Variants in PCDH9 observed in about 807,000 individuals in gnomAD.
PCDH9 encodes the protein protocadherin-9.
Under a neutral mutation model 70.6 loss-of-function variants are expected in PCDH9, and 24 were observed. The ratio of observed to expected loss-of-function variants is 0.34; its 90% CI spans 0.25 to 0.48. The LOEUF is 0.48. Among genes scored for constraint, PCDH9 ranks in the 20% least tolerant of loss-of-function variants. PCDH9 has a pLI of 0.99. For synonymous variants in PCDH9, 562 were observed against 558.5 expected, an observed-to-expected ratio of 1.01 and a Z score of -0.09; for missense variants, 1,281 against 1,503.6, an observed-to-expected ratio of 0.85 and a Z score of 2.45.
At chr13:67,174,225 T>A (rs140464860) in intron 2 of PCDH9, among the ~76,000 whole-genome samples, 2 of 151,894 alleles carry the variant, frequency 1.3e-5, no homozygotes, top group Non-Finnish European at 2.9e-5. Context: ...AATTTTGAAA[T>A]ATATTACTTA....
chr13:66,535,631 T>A (rs1309519841), intron 4 of PCDH9, among the ~76,000 whole-genome samples: 1 of 152,102 alleles, frequency 6.6e-6, no homozygotes, highest in African/African-American at 2.4e-5. Context: ...TGATTATGAA[T>A]GTAACACAAG....
intron 4 of PCDH9, among the ~76,000 whole-genome samples, chr13:66,342,796 GTATTTATT>G (rs869028823): frequency 2.2e-4 from 4 of 17,994 alleles, no homozygotes; most frequent in African/African-American, 2.8e-4. Context: ...TTTATTTATT[GTATTTATT>G]TATTTATTTA....
At chr13:66,591,411 T>C (rs9540834) in intron 4 of PCDH9, among the ~76,000 whole-genome samples, 6,970 of 150,246 alleles carry the variant, frequency 0.046, 180 homozygotes, top group Middle Eastern at 0.071. Context: ...TATAGCAGTA[T>C]GGAAAATAAA....
chr13:66,910,551 A>G (rs2082444605), intron 2 of PCDH9, among the ~76,000 whole-genome samples: 1 of 152,196 alleles, frequency 6.6e-6, no homozygotes, highest in African/African-American at 2.4e-5. Context: ...ATTTAAGTAA[A>G]AAGAGGATTG....
chr13:66,427,445 T>G (rs1173564238), intron 4 of PCDH9, among the ~76,000 whole-genome samples: 1 of 151,774 alleles, frequency 6.6e-6, no homozygotes, highest in Non-Finnish European at 1.5e-5. Flanking sequence ...CCACATGTCA[T>G]GTGTAGGAAA....
chr13:66,396,339 A>G (rs558197077), intron 4 of PCDH9, among the ~76,000 whole-genome samples: 1 of 152,332 alleles, frequency 6.6e-6, no homozygotes, highest in African/African-American at 2.4e-5. Flanking sequence ...AGACAAGAAC[A>G]TAATCTAACC....
intron 2 of PCDH9, among the ~76,000 whole-genome samples, chr13:67,055,469 C>A (rs2085400071): frequency 6.6e-6 from 1 of 152,106 alleles, no homozygotes; most frequent in South Asian, 2.1e-4. Context: ...TGGCTTGATT[C>A]AAATAGAATT....
At chr13:66,948,134 T>A (rs116363541) in intron 2 of PCDH9, among the ~76,000 whole-genome samples, 2,399 of 152,236 alleles carry the variant, frequency 0.016, 65 homozygotes, top group African/African-American at 0.054. Flanking sequence ...GAGTATAGTG[T>A]TGATATTGAC....
At chr13:66,440,119 G>T (rs573726905) in intron 4 of PCDH9, among the ~76,000 whole-genome samples, 30 of 152,276 alleles carry the variant, frequency 2.0e-4, no homozygotes, top group Non-Finnish European at 3.1e-4. Context: ...GTAAACGAAA[G>T]ATGAAAACTA....
intron 2 of PCDH9, among the ~76,000 whole-genome samples, chr13:67,041,286 A>T (rs1032686238): frequency 2.6e-5 from 4 of 152,168 alleles, no homozygotes; most frequent in Non-Finnish European, 4.4e-5. Flanking sequence ...TTATTTCTGG[A>T]ATTTTCCATA....
intron 4 of PCDH9, among the ~76,000 whole-genome samples, chr13:66,496,585 ATAAACATCTGTCCTG>A (rs1481848618): frequency 7.9e-5 from 12 of 152,220 alleles, no homozygotes; most frequent in Middle Eastern, 3.2e-3. Flanking sequence ...GTTACCTGTT[ATAAACATCTGTCCTG>A]TAAACATCTG....
At chr13:66,687,263 G>T (rs752168715) in intron 3 of PCDH9, among the ~76,000 whole-genome samples, 2 of 152,100 alleles carry the variant, frequency 1.3e-5, no homozygotes, top group Non-Finnish European at 2.9e-5. Flanking sequence ...TTTGTGACAA[G>T]ATTTTTTTCT....
intron 4 of PCDH9, among the ~76,000 whole-genome samples, chr13:66,442,034 T>A (rs960164958): frequency 1.3e-5 from 2 of 152,170 alleles, no homozygotes; most frequent in African/African-American, 4.8e-5. Flanking sequence ...TGGAAAACTA[T>A]ATATGATTGT....
At chr13:67,110,797 T>G (rs2086644753) in intron 2 of PCDH9, among the ~76,000 whole-genome samples, 1 of 152,212 alleles carries the variant, frequency 6.6e-6, no homozygotes, top group Non-Finnish European at 1.5e-5. Context: ...TCTCTGAGTC[T>G]AGGCTGATGA....
intron 4 of PCDH9, among the ~76,000 whole-genome samples, chr13:66,348,675 ATTTTTT>A (rs59340641): frequency 0.44 from 60,107 of 136,318 alleles, 13,280 homozygotes; most frequent in East Asian, 0.61. Flanking sequence ...GCTATTTGCC[ATTTTTT>A]TTTTTTTTTT....
intron 2 of PCDH9, chr13:67,201,633 A>AT (rs2089214789): frequency 6.6e-6 from 1 of 152,002 alleles, no homozygotes; most frequent in Non-Finnish European, 1.5e-5. Context: ...TCTTGAGCCA[A>AT]TTTTTTGTGT....
chr13:66,429,759 C>T (rs887121679), intron 4 of PCDH9, among the ~76,000 whole-genome samples: 8 of 151,990 alleles, frequency 5.3e-5, no homozygotes, highest in African/African-American at 1.9e-4. Flanking sequence ...GTTCTTAAGA[C>T]TGAGGTCAAC....
intron 2 of PCDH9, among the ~76,000 whole-genome samples, chr13:67,014,461 A>T (rs774037081): frequency 5.9e-5 from 9 of 152,084 alleles, no homozygotes; most frequent in Non-Finnish European, 1.2e-4. Context: ...TCCCTCTATT[A>T]TGCTACTTAC....
chr13:67,151,618 C>A (rs575713707), intron 2 of PCDH9, among the ~76,000 whole-genome samples: 28 of 152,246 alleles, frequency 1.8e-4, no homozygotes, highest in Middle Eastern at 3.4e-3. Flanking sequence ...CACCTGGTTT[C>A]ACACAGTGAC....
Sources: gnomAD v4.1 joint callset for allele counts (sites outside exome capture counted in the v4.1 genomes callset) on GRCh38, gnomAD v4.1.1 for gene constraint, MANE v1.5 for transcripts, NCBI Gene and HGNC (gene_info 2026-07-23, HGNC 2026-07-21) for gene names.